EPG5: variants seen among roughly 807,000 people sequenced by gnomAD.
EPG5 encodes the protein ectopic P granules protein 5 homolog.
EPG5 carries 159 observed loss-of-function variants against 302.7 expected under a neutral mutation model. The ratio of observed to expected loss-of-function variants is 0.53; its 90% CI spans 0.46 to 0.60. The LOEUF is 0.60. Ranked by LOEUF, EPG5 falls within the 20% of genes least tolerant of loss-of-function variation. EPG5 has a pLI of 0.00. For missense variants in EPG5, 2,896 were observed against 3,092.4 expected, an observed-to-expected ratio of 0.94 and a Z score of 1.51; for synonymous variants, 1,158 against 1,136.8, an observed-to-expected ratio of 1.02 and a Z score of -0.37.
At chr18:45,812,671 G>A in the EPG5 span, among the ~76,000 whole-genome samples, 1 of 152,176 alleles carries the variant, frequency 6.6e-6, no homozygotes, top group Non-Finnish European at 1.5e-5. Flanking sequence ...AATGGGGAAA[G>A]GATTCCCTAT....
intron 5 of EPG5, 87 bp downstream of exon 5, chr18:45,949,397 C>T: frequency 1.4e-6 from 1 of 699,496 alleles, no homozygotes; most frequent in Non-Finnish European, 2.4e-6. Context: ...TTTAAATAGT[C>T]CTTTTTTTTT....
chr18:45,853,546 T>A (rs934055394), intron 43 of EPG5, among the ~76,000 whole-genome samples: 1 of 152,132 alleles, frequency 6.6e-6, no homozygotes, highest in African/African-American at 2.4e-5. Context: ...CTGGGGCACA[T>A]CCCCCACCAT....
chr18:45,932,874 T>TAGGGC (rs1222378025), intron 11 of EPG5, among the ~76,000 whole-genome samples: 12 of 152,122 alleles, frequency 7.9e-5, no homozygotes, highest in African/African-American at 2.7e-4. Context: ...TCCAAAGCTC[T>TAGGGC]AGGGCAAGGC....
chr18:45,891,615 G>A (rs1179271224), intron 27 of EPG5, among the ~76,000 whole-genome samples: 1 of 151,158 alleles, frequency 6.6e-6, no homozygotes, highest in African/African-American at 2.4e-5. Context: ...TATTTTTTAT[G>A]ACTGTGATAA....
In EPG5 at chr18:45,904,245, A is replaced by G. The variant is rs576845028; in HGVS notation, c.4330-128T>C. The G allele has an allele frequency of 2.3e-5, 23 of 996,622 alleles. No individual in the cohort carries two copies. The African/African-American group carries it at 3.2e-4, about 14-fold the overall frequency. 61.7% of individuals were successfully genotyped at this position (996,622 alleles called of 1,614,324 possible). On this transcript the variant is annotated intron_variant, in intron 24 of 43. Transcript: ENST00000282041. ...AGTGGTCTACTCCAAGTCCTCCACC[A>G]TTAGGATAAATTGCCATTAAAATGA...
rs779632392 is a variant in EPG5 at position 45,887,792 on chromosome 18, T to C, written c.5068A>G (p.Thr1690Ala). 6.3e-6 allele frequency: 10 copies of C among 1,596,728 alleles called. No individual in the cohort carries two copies. The African/African-American group carries it at 8.0e-5, about 13-fold the overall frequency. ...ATACATGAAGTAAAGAACTGCCTTG[T>C]TGGGGGATGACGCTGCGTCTCATCG... ...VSDETQRHPP[T>A]RQFFTSCIEI... Residue 1690 changes from threonine (T) to alanine (A), a missense_variant, in exon 29 of 44, where the codon ACA becomes GCA. Coordinates refer to ENST00000282041, the MANE Select transcript of EPG5 (RefSeq NM_020964.3).
chr18:45,882,475 G>C lies in EPG5; in HGVS notation c.5317C>G (p.Gln1773Glu). ...GGAGGTTTAGTGGCGCTTAACCATT[G>C]TTTAAGATCGAACTAAAAAGAAAAA... ...FMLLTKFDLK[Q>E]WLSATKPPLS... The change falls in exon 31 of 44, where the codon CAA becomes GAA. Residue 1773 changes from glutamine to glutamate, a missense_variant. Gln to Glu is a conservative substitution (Grantham distance 29). Transcript: ENST00000282041. 6.2e-7 allele frequency: 1 copy of C among 1,605,298 alleles called. No individual in the cohort carries two copies. Among genetic ancestry groups the C allele is most frequent in the African/African-American group, 1.3e-5 (1 of 74,392 alleles).
Position 45,899,424 on chromosome 18 carries a change from C to A in EPG5, c.4789G>T (p.Ala1597Ser), listed in dbSNP as rs2049554054. The A allele has an allele frequency of 1.2e-6, 2 of 1,614,182 alleles. No individual in the cohort carries two copies. The highest frequency in any genetic ancestry group is 1.7e-6 in the Non-Finnish European group (2 of 1,180,046). Reference sequence around the variant, plus strand: ...CTTACCTGAACCGTGACAACTGCGGCTCCTTGGCATTTCTTACCGCTGCTG... The same window carrying A: ...CTTACCTGAACCGTGACAACTGCGGATCCTTGGCATTTCTTACCGCTGCTG... ...RGSSGKKCQGAAVVTVQFEGM... is the reference protein window; with the variant it reads ...RGSSGKKCQGSAVVTVQFEGM... Residue 1597 changes from alanine to serine, a missense_variant, in exon 27 of 44, where the codon GCC becomes TCC. Ala to Ser is a moderately conservative substitution (Grantham distance 99). This residue lies in a region of EPG5 where 790 missense variants were observed against 798.0 expected (regional missense o/e 0.99). Coordinates refer to ENST00000282041, the MANE Select transcript of EPG5 (RefSeq NM_020964.3).
downstream of EPG5, among the ~76,000 whole-genome samples, chr18:45,844,396 T>C (rs1398337961): frequency 6.6e-6 from 1 of 152,098 alleles, no homozygotes; most frequent in Non-Finnish European, 1.5e-5. Flanking sequence ...TATTTTAAAA[T>C]AACTAAGAGT....
Position 45,855,566 on chromosome 18 carries a change from T to C in EPG5, c.7557+7A>G, listed in dbSNP as rs760463372. The C allele has an allele frequency of 6.2e-7, 1 of 1,609,686 alleles. No homozygotes were observed. Among genetic ancestry groups the C allele is most frequent in the Middle Eastern group, 1.7e-4 (1 of 6,048 alleles). ...CAAACTTCTAACCCTTCATTGTATA[T>C]ACTGACCTGCTGAGCTTTGGGGGTC... On this transcript the variant is annotated splice_region_variant and intron_variant, in intron 43 of 43. Transcript: ENST00000282041.
At chr18:45,900,212 C>G (rs1019069914) in intron 26 of EPG5, among the ~76,000 whole-genome samples, 2 of 152,082 alleles carry the variant, frequency 1.3e-5, no homozygotes, top group Non-Finnish European at 2.9e-5. Context: ...ACCATCCTGG[C>G]TAACACAGTG....
intron 2 of EPG5, chr18:45,954,089 A>C (rs1485583051): frequency 4.0e-6 from 1 of 249,884 alleles, no homozygotes; most frequent in Non-Finnish European, 6.3e-6. Flanking sequence ...TTTCTTGTAA[A>C]ATCATAAGAT....
At position 45,858,626 on chromosome 18, in the gene EPG5, A is replaced by G. The variant is rs2048566535; in HGVS notation, c.7166T>C (p.Leu2389Ser). The change falls in exon 41 of 44, where the codon TTA becomes TCA. Residue 2389 changes from leucine to serine, a missense_variant. By Grantham distance (145) the Leu-to-Ser change is moderately radical. This residue lies in a region of EPG5 where 620 missense variants were observed against 704.2 expected (regional missense o/e 0.88). Coordinates refer to ENST00000282041, the MANE Select transcript of EPG5 (RefSeq NM_020964.3). ...LLQCLNSEQT[L>S]RNEMKVLLIL... Reference sequence around the variant, plus strand: ...GAGCAGCACTTTCATTTCATTCCTTAAAGTCTGTTCGCTGTTTAAACACTG... The same window carrying G: ...GAGCAGCACTTTCATTTCATTCCTTGAAGTCTGTTCGCTGTTTAAACACTG... 4.3e-6 allele frequency: 7 copies of G among 1,614,180 alleles called. No homozygotes were observed. The East Asian group carries it at 1.3e-4, about 31-fold the overall frequency.
rs117173522 is a variant in EPG5, at chr18:45,872,923, T to C, written c.6050-2181A>G. On this transcript the variant is annotated intron_variant, in intron 35 of 43. Coordinates refer to ENST00000282041, the MANE Select transcript of EPG5 (RefSeq NM_020964.3). ...TGTAGAAGATATCCAGAAGGATGTC[T>C]TAGGATAGACTGAGCTGATAGTTCC... 2.6e-4 allele frequency among the ~76,000 whole-genome samples: 39 copies of C among 152,320 alleles called. 2 individuals carry two copies. The East Asian group carries it at 7.5e-3, about 29-fold the overall frequency.
intron 1 of EPG5, among the ~76,000 whole-genome samples, chr18:45,962,531 A>G (rs2051172578): frequency 6.6e-6 from 1 of 152,212 alleles, no homozygotes; most frequent in Non-Finnish European, 1.5e-5. Flanking sequence ...GAATGACACT[A>G]AAGAAATGAA....
At chr18:45,955,409 A>G in intron 1 of EPG5, 71 bp from the exon 2 acceptor site, 1 of 1,113,886 alleles carries the variant, frequency 9.0e-7, no homozygotes, top group Non-Finnish European at 1.2e-6. Flanking sequence ...GGAATTTTAA[A>G]GTTGCACATA....
chr18:45,889,924 T>G lies in EPG5; in HGVS notation c.4826A>C (p.Lys1609Thr). 3 of 1,597,894 alleles carry G rather than the reference T, an allele frequency of 1.9e-6. No homozygotes were observed. The highest frequency in any genetic ancestry group is 2.6e-6 in the Non-Finnish European group (3 of 1,171,148). Residue 1609 changes from lysine (K) to threonine (T), a missense_variant, in exon 28 of 44, where the codon AAG becomes ACG. Physicochemically the swap from Lys to Thr is moderately conservative, Grantham distance 78 (BLOSUM62 -1). Transcript: ENST00000282041. ...AAGCTGTTGGCTTATGGCTTCATTC[T>G]TATGCATGCCTTCAAACTAACAAAA... Reference protein sequence around the residue: ...VVTVQFEGMHKNEAISQQLHV... With the variant: ...VVTVQFEGMHTNEAISQQLHV...
chr18:45,914,705 G>T (rs2145701442), intron 20 of EPG5, among the ~76,000 whole-genome samples: 1 of 152,336 alleles, frequency 6.6e-6, no homozygotes, highest in Non-Finnish European at 1.5e-5. Flanking sequence ...AACCCAGACT[G>T]TCTGGTTCCA....
At chr18:45,816,446 A>G in the EPG5 span, among the ~76,000 whole-genome samples, 2 of 152,156 alleles carry the variant, frequency 1.3e-5, no homozygotes, top group Non-Finnish European at 2.9e-5. Flanking sequence ...AAAAACAAAC[A>G]ATCCCATCAA....
Sources: gnomAD v4.1 joint callset for allele counts (sites outside exome capture counted in the v4.1 genomes callset) on GRCh38, gnomAD v4.1.1 for gene constraint, gnomAD v4.1.1 regional missense constraint, MANE v1.5 for transcripts, NCBI Gene and HGNC (gene_info 2026-07-23, HGNC 2026-07-21) for gene names.